Variants in TBC1D16 observed in about 807,000 individuals in gnomAD.
The protein encoded by TBC1D16 is TBC1 domain family member 16.
A neutral mutation model predicts 74.7 loss-of-function variants in TBC1D16; 58 were observed. That is an observed-to-expected ratio of 0.78 (90% CI 0.63 to 0.97). TBC1D16 has a LOEUF of 0.97. TBC1D16 is among the 50% of genes least tolerant of loss of function. TBC1D16 has a pLI of 0.00. For synonymous variants in TBC1D16, 493 were observed against 474.7 expected (o/e 1.04, Z -0.50); for missense variants, 1,014 against 1,079.5 (o/e 0.94, Z 0.85).
chr17:80,030,747 C>T (rs1044487741), intron 1 of TBC1D16, among the ~76,000 whole-genome samples: 4 of 152,152 alleles, frequency 2.6e-5, no homozygotes, highest in Admixed American at 6.5e-5. Flanking sequence ...CCCATGCCCA[C>T]TAGTGACAGG....
rs1294741859 is a variant in TBC1D16, at chr17:79,934,313, G to A, written c.*6546C>T. 6.6e-6 allele frequency: 1 copy of A among 152,500 alleles called. No homozygotes were observed. The highest frequency in any genetic ancestry group is 2.4e-5 in the African/African-American group (1 of 41,468). The allele number at this position is 152,500 out of a possible 1,614,324, so 9.4% of individuals were successfully genotyped here. A position where few individuals can be genotyped will look rare whatever the true frequency, so the allele number is the denominator to read the frequency against. ...GGACAGGTCCAGTTGGTGGCCTGAG[G>A]TGGGGTTGTGGTGGGCCTTGTCCCC... is the stretch of plus-strand genomic sequence containing the variant. On this transcript the variant is annotated 3_prime_UTR_variant, in exon 12 of 12. Coordinates refer to ENST00000310924, the MANE Select transcript of TBC1D16 (RefSeq NM_019020.4).
rs1023010873 is a variant in TBC1D16 at position 79,938,280 on chromosome 17, C to G, written c.*2579G>C. 1.5e-4 allele frequency: 23 copies of G among 152,262 alleles called. No individual in the cohort carries two copies. The highest frequency in any genetic ancestry group is 5.5e-4 in the African/African-American group (23 of 41,444). 9.4% of individuals were successfully genotyped at this position (152,262 alleles called of 1,614,324 possible). ...ATGGCTTCCGAGGTCCTGGCTGGTC[C>G]GAGAGGTGCAGACCTCACTGGGGTC... On this transcript the variant is annotated 3_prime_UTR_variant, in exon 12 of 12. Coordinates refer to ENST00000310924, the MANE Select transcript of TBC1D16 (RefSeq NM_019020.4).
chr17:79,947,762 C>T lies in TBC1D16; in HGVS notation c.1611G>A (p.Val537=), dbSNP rs781664424. The T allele has an allele frequency of 3.7e-6, 6 of 1,613,982 alleles. No individual in the cohort carries two copies. Among genetic ancestry groups the T allele is most frequent in the Non-Finnish European group, 4.2e-6 (5 of 1,179,996 alleles). ...CCAGGACCTCGGCCAAGATGGGCGC[C>T]ACCAGGTCCGACATCCCTTGGGAAT... ...VGYSQGMSDL[V]APILAEVLDE... Residue 537 remains valine, a synonymous_variant, in exon 9 of 12, where the codon GTG becomes GTA. Transcript: ENST00000310924.
intron 3 of TBC1D16, among the ~76,000 whole-genome samples, chr17:79,996,656 G>T (rs1353111677): frequency 1.3e-5 from 2 of 152,170 alleles, no homozygotes; most frequent in Non-Finnish European, 2.9e-5. Flanking sequence ...CGAGGCGGGA[G>T]GATTGCTTGA....
chr17:80,030,565 C>T (rs1232083217), intron 1 of TBC1D16, among the ~76,000 whole-genome samples: 1 of 152,234 alleles, frequency 6.6e-6, no homozygotes, highest in African/African-American at 2.4e-5. Flanking sequence ...TGGAGGTAGC[C>T]TGGAGCCACT....
chr17:79,999,012 C>A (rs1186376307), intron 3 of TBC1D16, among the ~76,000 whole-genome samples: 1 of 152,128 alleles, frequency 6.6e-6, no homozygotes, highest in Non-Finnish European at 1.5e-5. Context: ...CCCCAGCACT[C>A]TGGGAGGCCG....
intron 1 of TBC1D16, among the ~76,000 whole-genome samples, chr17:80,030,054 C>T (rs976720370): frequency 1.3e-5 from 2 of 152,154 alleles, no homozygotes; most frequent in African/African-American, 4.8e-5. Context: ...ATCAGGCCCA[C>T]TCATATAACC....
At position 79,952,816 on chromosome 17, in the gene TBC1D16, G is replaced by GA. The variant is rs1205805348; in HGVS notation, c.781_782insT (p.Pro261LeufsTer87). 1.9e-6 allele frequency: 3 copies of GA among 1,606,716 alleles called. No homozygotes were observed. The African/African-American group carries it at 4.0e-5, about 21-fold the overall frequency. ...CAGGCCGGCGTCGGAGCTGGACGGG[G>GA]GGCTGGTGGAACAGGTTATGTGATG... On this transcript the variant is annotated frameshift_variant and splice_region_variant, in exon 4 of 12. Coordinates refer to ENST00000310924, the MANE Select transcript of TBC1D16 (RefSeq NM_019020.4). LOFTEE classifies it high-confidence loss of function.
intron 1 of TBC1D16, among the ~76,000 whole-genome samples, chr17:80,016,127 C>G (rs951919012): frequency 3.1e-4 from 47 of 151,934 alleles, no homozygotes; most frequent in Non-Finnish European, 3.1e-4. Context: ...CATGGATGAA[C>G]CCCGAAAACA....
At position 79,936,246 on chromosome 17, in the gene TBC1D16, C is replaced by A. The variant is rs933144184; in HGVS notation, c.*4613G>T. ...TTTACAGAAGAGTCACAGAGAGGCT[C>A]GCCCTCGGCGGAGGACACACAGCTG... On this transcript the variant is annotated 3_prime_UTR_variant, in exon 12 of 12. Coordinates refer to ENST00000310924, the MANE Select transcript of TBC1D16 (RefSeq NM_019020.4). 2 of 152,254 alleles carry A rather than the reference C, an allele frequency of 1.3e-5. No individual in the cohort carries two copies. Among genetic ancestry groups the A allele is most frequent in the African/African-American group, 4.8e-5 (2 of 41,452 alleles). 9.4% of individuals were successfully genotyped at this position (152,254 alleles called of 1,614,324 possible).
At chr17:79,949,522 C>T (rs1183168614) in intron 7 of TBC1D16, among the ~76,000 whole-genome samples, 195 bp downstream of exon 7, 2 of 152,254 alleles carry the variant, frequency 1.3e-5, no homozygotes, top group African/African-American at 4.8e-5. Context: ...CCCCGCAGCT[C>T]CGAGGCCCGA....
At chr17:80,024,474 C>CCACACACCATA (rs2143222042) in intron 1 of TBC1D16, among the ~76,000 whole-genome samples, 2 of 24,322 alleles carry the variant, frequency 8.2e-5, no homozygotes, top group Admixed American at 4.5e-4. Flanking sequence ...GACACACACA[C>CCACACACCATA]CACACACCAT....
chr17:80,030,568 G>A (rs1568655070), intron 1 of TBC1D16, among the ~76,000 whole-genome samples: 2 of 152,214 alleles, frequency 1.3e-5, no homozygotes, highest in Non-Finnish European at 2.9e-5. Context: ...AGGTAGCCTG[G>A]AGCCACTAGG....
chr17:79,948,238 G>A (rs567252150), intron 8 of TBC1D16, among the ~76,000 whole-genome samples: 11 of 149,660 alleles, frequency 7.3e-5, no homozygotes, highest in Admixed American at 3.3e-4. Flanking sequence ...GCTTGAACCC[G>A]GAAAGCGGAA....
intron 9 of TBC1D16, among the ~76,000 whole-genome samples, 167 bp from the exon 10 acceptor site, chr17:79,945,254 C>T (rs568997897): frequency 6.6e-6 from 1 of 152,344 alleles, no homozygotes; most frequent in Non-Finnish European, 1.5e-5. Flanking sequence ...TCCATTCCGC[C>T]GCTGGAATCG....
chr17:80,032,136 G>A (rs185716490), intron 1 of TBC1D16, among the ~76,000 whole-genome samples: 3 of 152,322 alleles, frequency 2.0e-5, no homozygotes, highest in Admixed American at 6.5e-5. Flanking sequence ...AGCAGTACAC[G>A]ACTGAAGTGT....
Position 79,941,732 on chromosome 17 carries a change from G to A in TBC1D16, c.2055+328C>T, listed in dbSNP as rs2032017468. 6.6e-6 allele frequency among the ~76,000 whole-genome samples: 1 copy of A among 152,208 alleles called. No individual in the cohort carries two copies. The highest frequency in any genetic ancestry group is 2.4e-5 in the African/African-American group (1 of 41,458). On this transcript the variant is annotated intron_variant, in intron 11 of 11. Transcript: ENST00000310924. The surrounding 1 kb of genome is among the most constrained non-coding windows in gnomAD (Gnocchi z 4.3). ...TTCCCAGTTCTGGGTTGTAAGCGAG[G>A]TACCCCAGGGTAGGGAACCTGTCCT...
In TBC1D16 at chr17:80,008,906, C is replaced by T. The variant is rs959648158; in HGVS notation, c.779+1254G>A. On this transcript the variant is annotated intron_variant, in intron 3 of 11. Transcript: ENST00000310924. This position sits in a 1 kb window ranked among gnomAD's most constrained non-coding sequence, Gnocchi z 4.5. The stretch of plus-strand genomic sequence containing the variant: ...CCTTACTTCATGCCCCACCACTCCC[C>T]GGCTTAATCGGCCTGGGGTGACCTT... 3.3e-5 allele frequency among the ~76,000 whole-genome samples: 5 copies of T among 152,244 alleles called. No individual in the cohort carries two copies. The highest frequency in any genetic ancestry group is 4.8e-5 in the African/African-American group (2 of 41,464).
intron 3 of TBC1D16, among the ~76,000 whole-genome samples, chr17:79,966,525 T>C (rs1025902628): frequency 1.3e-5 from 2 of 152,122 alleles, no homozygotes; most frequent in African/African-American, 4.8e-5. Context: ...CTTCTAATTC[T>C]TCCCACTCTC....
Sources: gnomAD v4.1 joint callset for allele counts (sites outside exome capture counted in the v4.1 genomes callset) on GRCh38, gnomAD v4.1.1 for gene constraint, Gnocchi (gnomAD v3.1) non-coding constraint, MANE v1.5 for transcripts, NCBI Gene and HGNC (gene_info 2026-07-23, HGNC 2026-07-21) for gene names.